NOS1AP: variants seen among roughly 807,000 people sequenced by gnomAD.
NOS1AP encodes nitric oxide synthase 1 adaptor protein, also known as carboxyl-terminal PDZ ligand of neuronal nitric oxide synthase protein.
Under a neutral mutation model 56.2 loss-of-function variants are expected in NOS1AP, and 21 were observed. That is an observed-to-expected ratio of 0.37 (90% confidence interval 0.26 to 0.54). NOS1AP has a LOEUF of 0.54. NOS1AP is among the 20% of genes least tolerant of loss of function. The pLI is 0.84. For missense variants in NOS1AP, 522 were observed against 657.8 expected (o/e 0.79, Z 2.26); for synonymous variants, 270 against 274.6 (o/e 0.98, Z 0.17).
At chr1:162,151,156 G>A (rs1415460697) in intron 1 of NOS1AP, among the ~76,000 whole-genome samples, 3 of 152,182 alleles carry the variant, frequency 2.0e-5, no homozygotes, top group African/African-American at 7.2e-5. Flanking sequence ...AGAGATAGGA[G>A]TCCAGTTTTA....
chr1:162,302,525 A>G (rs1408388014), intron 4 of NOS1AP, among the ~76,000 whole-genome samples: 10 of 152,176 alleles, frequency 6.6e-5, no homozygotes, highest in Non-Finnish European at 1.2e-4. Flanking sequence ...CTGGCACCAT[A>G]TATGGAAAAA....
intron 1 of NOS1AP, among the ~76,000 whole-genome samples, chr1:162,127,653 G>C (rs937023798): frequency 1.3e-5 from 2 of 152,198 alleles, no homozygotes; most frequent in African/African-American, 4.8e-5. Flanking sequence ...ACGTGAAGGG[G>C]GAGCAGGCAC....
chr1:162,339,562 G>C (rs945404240), intron 5 of NOS1AP, among the ~76,000 whole-genome samples: 1 of 152,126 alleles, frequency 6.6e-6, no homozygotes, highest in African/African-American at 2.4e-5. Flanking sequence ...GTCATGAGGT[G>C]GGAGCAACTG....
chr1:162,192,257 A>C (rs1478206190), intron 2 of NOS1AP, among the ~76,000 whole-genome samples: 1 of 152,186 alleles, frequency 6.6e-6, no homozygotes, highest in African/African-American at 2.4e-5. Context: ...TGAGCCATCA[A>C]CCTGACTGCC....
intron 3 of NOS1AP, among the ~76,000 whole-genome samples, chr1:162,300,030 G>T (rs1408002629): frequency 6.6e-6 from 1 of 152,136 alleles, no homozygotes. Context: ...TTTCATGGAT[G>T]AATGTGTTCT....
chr1:162,179,918 A>G (rs1319837966), intron 2 of NOS1AP, among the ~76,000 whole-genome samples: 1 of 152,128 alleles, frequency 6.6e-6, no homozygotes, highest in Non-Finnish European at 1.5e-5. Context: ...GATGCAGAGG[A>G]TGGATTGGGA....
chr1:162,232,767 ACCTATTATG>A (rs1653163786), intron 2 of NOS1AP, among the ~76,000 whole-genome samples: 6 of 80,010 alleles, frequency 7.5e-5, no homozygotes, highest in Admixed American at 6.5e-4. Context: ...TTTATTATGT[ACCTATTATG>A]TACCTATTAT....
At chr1:162,270,394 A>C (rs1571178265) in intron 2 of NOS1AP, among the ~76,000 whole-genome samples, 2 of 152,240 alleles carry the variant, frequency 1.3e-5, no homozygotes, top group East Asian at 3.8e-4. Context: ...AGTGTGGTTG[A>C]GAAGATGAGA....
intron 1 of NOS1AP, among the ~76,000 whole-genome samples, chr1:162,111,451 C>A (rs1170512060): frequency 6.6e-6 from 1 of 152,124 alleles, no homozygotes; most frequent in Non-Finnish European, 1.5e-5. Context: ...AGCTTGTTGA[C>A]TTGTGATGGG....
At chr1:162,100,306 C>T (rs1246211910) in intron 1 of NOS1AP, among the ~76,000 whole-genome samples, 1 of 152,088 alleles carries the variant, frequency 6.6e-6, no homozygotes, top group Non-Finnish European at 1.5e-5. Context: ...TGTTTCCTGA[C>T]TTTTTAATGA....
intron 2 of NOS1AP, among the ~76,000 whole-genome samples, chr1:162,265,106 C>A (rs1654377824): frequency 6.6e-6 from 1 of 152,086 alleles, no homozygotes; most frequent in African/African-American, 2.4e-5. Context: ...TGAGCCACTG[C>A]ACCCGGTCCT....
rs758588516 is a variant in NOS1AP at position 162,355,280 on chromosome 1, T to C, written c.689T>C (p.Val230Ala). Reference sequence around the variant, plus strand: ...GAGGTCCCACTTCCAGGGAATGATGTCCTGGAATTCAGCCGAGGTGTGACT... The same window carrying C: ...GAGGTCCCACTTCCAGGGAATGATGCCCTGGAATTCAGCCGAGGTGTGACT... ...AVEVPLPGND[V>A]LEFSRGVTDL... The change falls in exon 7 of 10, where the codon GTC (valine) becomes GCC (alanine). Residue 230 changes from valine to alanine, a missense_variant. Physicochemically the swap from Val to Ala is moderately conservative, Grantham distance 64. Transcript: ENST00000361897. The C allele has an allele frequency of 6.2e-7, 1 of 1,613,928 alleles. No homozygotes were observed. The highest frequency in any genetic ancestry group is 2.2e-5 in the East Asian group (1 of 44,866).
intron 2 of NOS1AP, among the ~76,000 whole-genome samples, chr1:162,248,443 A>G (rs1198624122): frequency 6.6e-6 from 1 of 152,188 alleles, no homozygotes; most frequent in Non-Finnish European, 1.5e-5. Flanking sequence ...TAAATTTACC[A>G]TAATCTTCTC....
intron 2 of NOS1AP, among the ~76,000 whole-genome samples, chr1:162,171,948 G>A (rs574723490): frequency 9.9e-5 from 15 of 152,202 alleles, no homozygotes; most frequent in Admixed American, 3.9e-4. Flanking sequence ...ACCTTAACCC[G>A]TTAAATGGAA....
intron 4 of NOS1AP, among the ~76,000 whole-genome samples, chr1:162,302,178 T>G (rs937512415): frequency 6.6e-6 from 1 of 152,222 alleles, no homozygotes; most frequent in Non-Finnish European, 1.5e-5. Flanking sequence ...AAAACAAATG[T>G]CAATTTTTTG....
At chr1:162,203,534 G>A (rs1652059406) in intron 2 of NOS1AP, among the ~76,000 whole-genome samples, 1 of 152,148 alleles carries the variant, frequency 6.6e-6, no homozygotes. Flanking sequence ...GAATCACACA[G>A]GAAAGATAAT....
At chr1:162,171,352 A>G (rs759759960) in intron 2 of NOS1AP, among the ~76,000 whole-genome samples, 2 of 152,112 alleles carry the variant, frequency 1.3e-5, no homozygotes, top group African/African-American at 2.4e-5. Flanking sequence ...GGAATGGCAC[A>G]TGACTTTCTC....
intron 2 of NOS1AP, among the ~76,000 whole-genome samples, chr1:162,270,490 G>A (rs1277598052): frequency 6.6e-6 from 1 of 152,188 alleles, no homozygotes; most frequent in Admixed American, 6.5e-5. Flanking sequence ...AATCCCCTGA[G>A]TGCTAATTGC....
chr1:162,095,071 T>A (rs1692209412), intron 1 of NOS1AP, among the ~76,000 whole-genome samples: 1 of 152,200 alleles, frequency 6.6e-6, no homozygotes, highest in Non-Finnish European at 1.5e-5. Context: ...TGTGGGCAAT[T>A]GGCAACAGTT....
Sources: allele counts gnomAD v4.1 joint callset (sites outside exome capture counted in the v4.1 genomes callset), GRCh38; gene constraint gnomAD v4.1.1; transcripts MANE v1.5; gene names NCBI Gene and HGNC (gene_info 2026-07-23, HGNC 2026-07-21).